The following F5 variants were observed in gnomAD, a reference collection of about 807,000 sequenced individuals.
F5 encodes coagulation factor V.
A neutral mutation model predicts 216.4 loss-of-function variants in F5; 138 were observed. That is an observed-to-expected ratio of 0.64 (90% CI 0.56 to 0.73). The LOEUF (loss-of-function observed/expected upper bound fraction) is 0.73, where lower values mean the gene tolerates loss of function less well. Among genes scored for constraint, F5 ranks in the 30% least tolerant of loss-of-function variants. F5 has a pLI of 0.00. For synonymous variants in F5, 916 were observed against 930.7 expected, an observed-to-expected ratio of 0.98 and a Z score of 0.29; for missense variants, 2,403 against 2,674.0, an observed-to-expected ratio of 0.90 and a Z score of 2.24.
chr1:169,523,503 T>C, intron 20 of F5, 151 bp from the exon 21 acceptor site: 1 of 946,958 alleles, frequency 1.1e-6, no homozygotes. Flanking sequence ...CAATTCATAT[T>C]TGGGCACAGA....
At chr1:169,550,584 T>C in intron 9 of F5, 56 bp downstream of exon 9, 1 of 1,339,186 alleles carries the variant, frequency 7.5e-7, no homozygotes, top group Non-Finnish European at 1.1e-6. Flanking sequence ...AGCAGAAAAA[T>C]GTGGCAGCCT....
chr1:169,549,777 A>G (rs1660116116), intron 10 of F5, 24 bp downstream of exon 10: 2 of 1,575,906 alleles, frequency 1.3e-6, no homozygotes. Context: ...GAATTTCTGA[A>G]AGGTTACTTC....
rs1659725373 is a variant in F5 at position 169,537,320 on chromosome 1, T to G, written c.4797-640A>C. On this transcript the variant is annotated intron_variant, in intron 13 of 24. Transcript: ENST00000367797. ...CAGATTAATTAGAAGGTCACACTTA[T>G]GAAAGTCACTGGATGGGTGAATGTT... Among the ~76,000 whole-genome samples the G allele has an allele frequency of 2.6e-5, 4 of 152,206 alleles. No individual in the cohort carries two copies. In the South Asian group the frequency reaches 8.3e-4, roughly 32 times the overall value.
At chr1:169,539,918 A>G (rs1239070895) in intron 13 of F5, among the ~76,000 whole-genome samples, 2 of 152,208 alleles carry the variant, frequency 1.3e-5, no homozygotes, top group African/African-American at 2.4e-5. Flanking sequence ...TTTCTACATC[A>G]TATTTGAGTT....
Position 169,572,325 on chromosome 1 carries a change from A to G in F5, c.269T>C (p.Leu90Ser). ...TATGATGTCTCCGACTTCAGCATATAAAGTAGGCCCAAGAAGTCCTGTGAA... is the reference window on the plus strand; with the variant it reads ...TATGATGTCTCCGACTTCAGCATATGAAGTAGGCCCAAGAAGTCCTGTGAA... ...STISGLLGPT[L>S]YAEVGDIIKV... is the part of the protein sequence containing the mutation. Residue 90 changes from leucine (L) to serine (S), a missense_variant, in exon 3 of 25, where the codon TTA becomes TCA. Physicochemically the swap from Leu to Ser is moderately radical, Grantham distance 145. Around this residue, in one of 4 missense-constraint regions of F5, gnomAD observed 1,425 missense variants for 1,554.8 expected, o/e 0.92. Coordinates refer to ENST00000367797, the MANE Select transcript of F5 (RefSeq NM_000130.5). 2.5e-6 allele frequency: 4 copies of G among 1,613,308 alleles called. No individual in the cohort carries two copies. The highest frequency in any genetic ancestry group is 2.5e-6 in the Non-Finnish European group (3 of 1,179,622).
chr1:169,542,602 G>T lies in F5; in HGVS notation c.2488C>A (p.Pro830Thr). 1 of 1,614,020 alleles carries T rather than the reference G, an allele frequency of 6.2e-7. No homozygotes were observed. Among genetic ancestry groups the T allele is most frequent in the Non-Finnish European group, 8.5e-7 (1 of 1,179,978 alleles). The change falls in exon 13 of 25, where the codon CCA (proline) becomes ACA (threonine). Residue 830 changes from proline (P) to threonine (T), a missense_variant. Transcript: ENST00000367797. ...LNSSTAEHSS[P>T]YSEDPIEDPL... ...TCCTCTATAGGGTCTTCAGAATATGGGCTGGAATGCTCTGCTGTGGAAGAA... is the reference window on the plus strand; with the variant it reads ...TCCTCTATAGGGTCTTCAGAATATGTGCTGGAATGCTCTGCTGTGGAAGAA...
At chr1:169,518,213 T>C (rs1447181487) in intron 23 of F5, among the ~76,000 whole-genome samples, 199 bp downstream of exon 23, 1 of 152,174 alleles carries the variant, frequency 6.6e-6, no homozygotes, top group Non-Finnish European at 1.5e-5. Context: ...ACAGAGATGA[T>C]AAATGACTTC....
chr1:169,573,961 T>C (rs987461334), intron 2 of F5, among the ~76,000 whole-genome samples: 1 of 152,032 alleles, frequency 6.6e-6, no homozygotes, highest in African/African-American at 2.4e-5. Flanking sequence ...CAACCAATTT[T>C]GGATCAAAAA....
At position 169,541,244 on chromosome 1, in the gene F5, A is replaced by T; in HGVS notation, c.3846T>A (p.His1282Gln). 1 of 1,581,092 alleles carries T rather than the reference A, an allele frequency of 6.3e-7. No individual in the cohort carries two copies. The highest frequency in any genetic ancestry group is 8.6e-7 in the Non-Finnish European group (1 of 1,162,624). Residue 1282 changes from histidine to glutamine, a missense_variant, in exon 13 of 25, where the codon CAT becomes CAA. Physicochemically the swap from His to Gln is conservative, Grantham distance 24 (BLOSUM62 0). Around this residue, in one of 4 missense-constraint regions of F5, gnomAD observed 1,425 missense variants for 1,554.8 expected, o/e 0.92. Transcript: ENST00000367797. ...GGCTGAAGTCTAGAGAAAGGGTTGTATGGCTGAGGTCTGGAGAAAGGGGCA... is the reference window on the plus strand; with the variant it reads ...GGCTGAAGTCTAGAGAAAGGGTTGTTTGGCTGAGGTCTGGAGAAAGGGGCA... Reference protein sequence around the residue: ...GQMPLSPDLSHTTLSLDFSQT... With the variant: ...GQMPLSPDLSQTTLSLDFSQT...
chr1:169,548,819 A>T (rs1419006908), intron 10 of F5, among the ~76,000 whole-genome samples: 1 of 151,880 alleles, frequency 6.6e-6, no homozygotes, highest in Admixed American at 6.6e-5. Flanking sequence ...CAGTGATCTA[A>T]AATGGTGCCA....
chr1:169,544,570 T>A (rs1176408344), intron 11 of F5, 62 bp from the exon 12 acceptor site: 2 of 1,332,126 alleles, frequency 1.5e-6, no homozygotes, highest in Non-Finnish European at 2.1e-6. Context: ...TGTGTCTAAT[T>A]ATACCTAAGA....
intron 2 of F5, among the ~76,000 whole-genome samples, chr1:169,572,646 ACTTT>A (rs1660752917): frequency 6.6e-6 from 1 of 152,184 alleles, no homozygotes; most frequent in Non-Finnish European, 1.5e-5. Flanking sequence ...CTTAGCAATA[ACTTT>A]CTTTGCTTAA....
Position 169,560,752 on chromosome 1 carries a change from C to T in F5, c.388G>A (p.Asp130Asn). The change falls in exon 4 of 25, where the codon GAC becomes AAC. Residue 130 changes from aspartate to asparagine, a missense_variant. This residue lies in a region of F5 where 1,425 missense variants were observed against 1,554.8 expected (regional missense o/e 0.92). Transcript: ENST00000367797. ...ATCTTCTCCGCAGGGAATGTGTGGT[C>T]AAGGTAAGAAGCACCTGGAGGAGTA... is the stretch of plus-strand genomic sequence containing the variant. ...SKLSEGASYL[D>N]HTFPAEKMDD... 2 of 1,612,090 alleles carry T rather than the reference C, an allele frequency of 1.2e-6. No individual in the cohort carries two copies. The highest frequency in any genetic ancestry group is 1.7e-6 in the Non-Finnish European group (2 of 1,179,642).
intron 3 of F5, among the ~76,000 whole-genome samples, chr1:169,564,559 TTA>T (rs1258211716): frequency 6.6e-6 from 1 of 152,060 alleles, no homozygotes; most frequent in African/African-American, 2.4e-5. Context: ...AACTTCTGTT[TTA>T]TATGTTTTGT....
At position 169,530,909 on chromosome 1, in the gene F5, C is replaced by T. The variant is rs1659581822; in HGVS notation, c.5085G>A (p.Lys1695=). 2 of 1,613,810 alleles carry T rather than the reference C, an allele frequency of 1.2e-6. No individual in the cohort carries two copies. Among genetic ancestry groups the T allele is most frequent in the Non-Finnish European group, 1.7e-6 (2 of 1,179,872 alleles). Residue 1695 remains lysine, a synonymous_variant, in exon 15 of 25, where the codon AAG becomes AAA. Transcript: ENST00000367797. ...TATTTGGCTGAACAGCATTATCTTC[C>T]TTAAACCATTCAGGAGAGTCATCTT... ...TYEDDSPEWF[K]EDNAVQPNSS...
rs1230936288 is a variant in F5 at position 169,513,581 on chromosome 1, C to T, written c.*732G>A. Among the ~76,000 whole-genome samples, 2 of 152,096 alleles carry T rather than the reference C, an allele frequency of 1.3e-5. No homozygotes were observed. The highest frequency in any genetic ancestry group is 6.6e-5 in the Admixed American group (1 of 15,250). ...CTCTGTTTTACAGGTCTGAGCTTTC[C>T]AGTAGGTGAAATTATGTTTTGAAAC... On this transcript the variant is annotated 3_prime_UTR_variant, in exon 25 of 25. Transcript: ENST00000367797.
At chr1:169,534,794 T>TG (rs1262022978) in intron 14 of F5, among the ~76,000 whole-genome samples, 1 of 152,068 alleles carries the variant, frequency 6.6e-6, no homozygotes, top group Admixed American at 6.6e-5. Context: ...TGCCCATCAG[T>TG]GGTGGACTAC....
rs753158142 is a variant in F5 at position 169,524,921 on chromosome 1, G to GA, written c.5717-14dup. On this transcript the variant is annotated splice_polypyrimidine_tract_variant and intron_variant, in intron 18 of 24. Coordinates refer to ENST00000367797, the MANE Select transcript of F5 (RefSeq NM_000130.5). ...GGCATCCTACAGTCTATGAAAAACA[G>GA]AAAAAAAATGAATAATTTTTGCTTA... 56 of 1,594,116 alleles carry GA rather than the reference G, an allele frequency of 3.5e-5. No individual in the cohort carries two copies. Among genetic ancestry groups the GA allele is most frequent in the Admixed American group, 5.0e-5 (3 of 59,616 alleles).
intron 11 of F5, among the ~76,000 whole-genome samples, chr1:169,544,775 G>A (rs1168302259): frequency 3.3e-5 from 5 of 152,200 alleles, no homozygotes; most frequent in South Asian, 2.1e-4. Flanking sequence ...TTCATCAAAT[G>A]TATAGTAAAT....
Sources: allele counts gnomAD v4.1 joint callset (sites outside exome capture counted in the v4.1 genomes callset), GRCh38; gene constraint gnomAD v4.1.1; regional missense constraint gnomAD v4.1.1; transcripts MANE v1.5; gene names NCBI Gene and HGNC (gene_info 2026-07-23, HGNC 2026-07-21).